Variants in EPB41L4A observed in about 807,000 individuals in gnomAD.
EPB41L4A encodes the protein band 4.1-like protein 4A.
A neutral mutation model predicts 108.6 loss-of-function variants in EPB41L4A; 100 were observed. The observed-to-expected ratio is 0.92, with a 90% confidence interval of 0.78 to 1.09. The LOEUF (loss-of-function observed/expected upper bound fraction) is 1.09. Among genes scored for constraint, EPB41L4A ranks in the 50% least tolerant of loss-of-function variants. The pLI, the probability that EPB41L4A is intolerant of heterozygous loss-of-function variation, is 0.00. For synonymous variants in EPB41L4A, 319 were observed against 289.0 expected, an observed-to-expected ratio of 1.10 and a Z score of -1.05; for missense variants, 1,030 against 842.7, an observed-to-expected ratio of 1.22 and a Z score of -2.75.
At position 112,169,054 on chromosome 5, in the gene EPB41L4A, G is replaced by A. The variant is rs1760420982; in HGVS notation, c.1791C>T (p.Tyr597=). ...RIRHSHSPRS[Y]RQYRRSQCSD... is the part of the protein sequence containing the mutation. Reference sequence around the variant, plus strand: ...AACACTGGGACCTGCGATACTGGCGGTAACTTCGTGGCGAATGAGAATGCC... The same window carrying A: ...AACACTGGGACCTGCGATACTGGCGATAACTTCGTGGCGAATGAGAATGCC... The change falls in exon 21 of 23, where the codon TAC becomes TAT. Residue 597 remains tyrosine (Y), a synonymous_variant. Coordinates refer to ENST00000261486, the MANE Select transcript of EPB41L4A (RefSeq NM_022140.5). The A allele has an allele frequency of 6.2e-7, 1 of 1,614,142 alleles. No individual in the cohort carries two copies. The highest frequency in any genetic ancestry group is 1.6e-4 in the Middle Eastern group (1 of 6,062).
At chr5:112,182,789 CT>C (rs11317660) in intron 18 of EPB41L4A, among the ~76,000 whole-genome samples, 7,304 of 140,468 alleles carry the variant, frequency 0.052, 448 homozygotes, top group African/African-American at 0.15. Flanking sequence ...TCTAAACTTC[CT>C]TTTTTTTTTA....
chr5:112,249,533 G>A (rs1415671276), intron 9 of EPB41L4A: 1 of 152,104 alleles, frequency 6.6e-6, no homozygotes, highest in African/African-American at 2.4e-5. Context: ...TAGTACACAT[G>A]ATATCCTGGG....
chr5:112,269,680 AAAGT>A (rs1752124324), intron 4 of EPB41L4A, among the ~76,000 whole-genome samples: 2 of 152,204 alleles, frequency 1.3e-5, no homozygotes, highest in Non-Finnish European at 2.9e-5. Context: ...ATCATTCTCT[AAAGT>A]GTCAGGAGTT....
chr5:112,259,228 C>T lies in EPB41L4A; in HGVS notation c.795+1G>A. The stretch of plus-strand genomic sequence containing the variant: ...TTTAAGCTAAGGGCTTGGAAACTTA[C>T]ATCTTTTCCCAGTACTCTGAGTTCA... On this transcript the variant is annotated splice_donor_variant, in intron 9 of 22. Transcript: ENST00000261486. LOFTEE classifies it high-confidence loss of function. 1.2e-6 allele frequency: 2 copies of T among 1,612,136 alleles called. No homozygotes were observed. The highest frequency in any genetic ancestry group is 1.7e-6 in the Non-Finnish European group (2 of 1,178,238).
intron 2 of EPB41L4A, among the ~76,000 whole-genome samples, chr5:112,294,758 G>A (rs868640971): frequency 4.0e-5 from 6 of 151,772 alleles, no homozygotes; most frequent in Non-Finnish European, 5.9e-5. Flanking sequence ...CCTGAAGTAC[G>A]CATTTGGGTG....
chr5:112,148,677 G>GT (rs1219098751), intron 12 of EPB41L4A, among the ~76,000 whole-genome samples: 3 of 151,776 alleles, frequency 2.0e-5, no homozygotes, highest in Non-Finnish European at 4.4e-5. Flanking sequence ...TGTTTAGTAA[G>GT]TTTTTTTTAC....
intron 12 of EPB41L4A, among the ~76,000 whole-genome samples, chr5:112,214,536 G>T (rs1210111526): frequency 6.6e-6 from 1 of 152,068 alleles, no homozygotes; most frequent in Non-Finnish European, 1.5e-5. Flanking sequence ...GGCCGAGGCG[G>T]GCGGATCATG....
chr5:112,157,360 A>T (rs1759687237), intron 12 of EPB41L4A, among the ~76,000 whole-genome samples: 1 of 152,214 alleles, frequency 6.6e-6, no homozygotes, highest in African/African-American at 2.4e-5. Context: ...GAAAATCGAG[A>T]TGGGACAAGA....
At chr5:112,147,063 A>C (rs1386090181) in intron 12 of EPB41L4A, among the ~76,000 whole-genome samples, 1 of 152,208 alleles carries the variant, frequency 6.6e-6, no homozygotes, top group Non-Finnish European at 1.5e-5. Context: ...GTAATGTGTA[A>C]AGTGTAATGT....
chr5:112,395,731 T>C (rs886380150), intron 1 of EPB41L4A, among the ~76,000 whole-genome samples: 13 of 152,286 alleles, frequency 8.5e-5, no homozygotes, highest in African/African-American at 2.6e-4. Context: ...TTTGACCCAG[T>C]GATCCCATTA....
At chr5:112,273,763 C>T (rs1347631642) in intron 4 of EPB41L4A, among the ~76,000 whole-genome samples, 1 of 152,122 alleles carries the variant, frequency 6.6e-6, no homozygotes, top group Non-Finnish European at 1.5e-5. Flanking sequence ...CCTTGCAATT[C>T]CCTAACGAGT....
intron 18 of EPB41L4A, among the ~76,000 whole-genome samples, chr5:112,181,437 C>A (rs972171592): frequency 1.3e-5 from 2 of 151,320 alleles, no homozygotes; most frequent in Non-Finnish European, 2.9e-5. Flanking sequence ...GGCGACAGAG[C>A]GAGACTCTGT....
chr5:112,212,116 A>G (rs1217721321), intron 12 of EPB41L4A, among the ~76,000 whole-genome samples: 2 of 152,192 alleles, frequency 1.3e-5, no homozygotes, highest in Non-Finnish European at 1.5e-5. Context: ...ATTTTGCCAT[A>G]ACCATGTGAC....
intron 1 of EPB41L4A, among the ~76,000 whole-genome samples, chr5:112,375,323 G>GCTCTCTCTCGCGCA (rs1440284141): frequency 8.9e-4 from 127 of 142,550 alleles, no homozygotes; most frequent in African/African-American, 3.3e-3. Context: ...TCTCTCTCTC[G>GCTCTCTCTCGCGCA]CACACACACA....
At chr5:112,323,902 G>T (rs1365268361) in intron 1 of EPB41L4A, among the ~76,000 whole-genome samples, 2 of 152,166 alleles carry the variant, frequency 1.3e-5, no homozygotes, top group African/African-American at 4.8e-5. Flanking sequence ...TGCAACACTG[G>T]AAACTAGAGC....
intron 1 of EPB41L4A, among the ~76,000 whole-genome samples, chr5:112,412,793 G>A (rs1762486939): frequency 6.6e-6 from 1 of 152,214 alleles, no homozygotes; most frequent in African/African-American, 2.4e-5. Context: ...AGAGGCAGGA[G>A]CCGTAGATGC....
Position 112,359,382 on chromosome 5 carries a change from A to G in EPB41L4A, c.100-51892T>C, listed in dbSNP as rs114251086. 4.1e-3 allele frequency among the ~76,000 whole-genome samples: 629 copies of G among 152,236 alleles called. 3 individuals carry two copies. Among genetic ancestry groups the G allele is most frequent in the African/African-American group, 0.014 (596 of 41,544 alleles). ...GAAACTGCCTAGCCAGAGGCACCCA[A>G]TTATCCAATATATAGCTGATTTCAA... On this transcript the variant is annotated intron_variant, in intron 1 of 22. Transcript: ENST00000261486.
chr5:112,396,477 A>T (rs1761358517), intron 1 of EPB41L4A, among the ~76,000 whole-genome samples: 1 of 152,238 alleles, frequency 6.6e-6, no homozygotes, highest in South Asian at 2.1e-4. Context: ...AATGGTTTAA[A>T]ACAACAAACA....
Position 112,165,112 on chromosome 5 carries a change from T to C in EPB41L4A, c.1939A>G (p.Asn647Asp). The C allele has an allele frequency of 7.5e-7, 1 of 1,331,020 alleles. No homozygotes were observed. The highest frequency in any genetic ancestry group is 1.0e-6 in the Non-Finnish European group (1 of 995,258). The allele number at this position is 1,331,020 out of a possible 1,614,324, so 82.5% of individuals were successfully genotyped here. ...SGDATVHQRR[N>D]GSKDSLMEEK... ...TCCATCAGGCTATCTTTAGACCCAT[T>C]TCTTCTCTAAAATATATTTGAAAAA... is the stretch of plus-strand genomic sequence containing the variant. The change falls in exon 23 of 23, where the codon AAT becomes GAT. Residue 647 changes from asparagine to aspartate, a missense_variant. Coordinates refer to ENST00000261486, the MANE Select transcript of EPB41L4A (RefSeq NM_022140.5).
Sources: allele counts gnomAD v4.1 joint callset (sites outside exome capture counted in the v4.1 genomes callset), GRCh38; gene constraint gnomAD v4.1.1; transcripts MANE v1.5; gene names NCBI Gene and HGNC (gene_info 2026-07-23, HGNC 2026-07-21).